The following SUPT3H variants were observed in gnomAD, a reference collection of about 807,000 sequenced individuals.
SUPT3H encodes transcription initiation protein SPT3 homolog.
Under a neutral mutation model 44.3 loss-of-function variants are expected in SUPT3H, and 44 were observed. The ratio of observed to expected loss-of-function variants is 0.99; its 90% CI spans 0.78 to 1.28. SUPT3H has a LOEUF of 1.28. Ranked by LOEUF, SUPT3H falls within the 50% of genes most tolerant of loss-of-function variation. The pLI is 0.00. For synonymous variants in SUPT3H, 124 were observed against 125.6 expected (o/e 0.99, Z 0.09); for missense variants, 380 against 387.1 (o/e 0.98, Z 0.15).
In SUPT3H at chr6:44,928,884, A is replaced by AAAT. The variant is rs1406433106; in HGVS notation, c.912+3768_912+3769insATT. Reference sequence around the variant, plus strand: ...GGCGACAGAACGAGACTCCGTCTCAAAAAAAAAAAAAAAAAAAAAAGAAAA... The same window carrying AAAT: ...GGCGACAGAACGAGACTCCGTCTCAAAATAAAAAAAAAAAAAAAAAAAAGAAAA... On this transcript the variant is annotated intron_variant, in intron 10 of 10. Transcript: ENST00000371459. 1.6e-4 allele frequency among the ~76,000 whole-genome samples: 16 copies of AAAT among 98,598 alleles called. 1 individual carries two copies. The highest frequency in any genetic ancestry group is 3.0e-4 in the African/African-American group (8 of 26,356). 64.7% of individuals were successfully genotyped at this position (98,598 alleles called of 152,430 possible).
intron 6 of SUPT3H, among the ~76,000 whole-genome samples, chr6:44,989,007 T>C (rs1472989513): frequency 6.6e-6 from 1 of 152,118 alleles, no homozygotes; most frequent in African/African-American, 2.4e-5. Context: ...GCCTCAGAGA[T>C]CCCACAATTC....
intron 10 of SUPT3H, among the ~76,000 whole-genome samples, chr6:44,877,492 A>G (rs1777507213): frequency 1.3e-5 from 2 of 149,092 alleles, no homozygotes; most frequent in African/African-American, 4.9e-5. Flanking sequence ...AAAAAATCCC[A>G]GTTTGTAACA....
At chr6:45,348,335 T>G (rs1791306293) in intron 2 of SUPT3H, among the ~76,000 whole-genome samples, 3 of 151,914 alleles carry the variant, frequency 2.0e-5, no homozygotes, top group Middle Eastern at 3.4e-3. Flanking sequence ...AAAAATTCTC[T>G]ACCATTAGTT....
At chr6:45,132,697 T>C (rs1474488579) in intron 2 of SUPT3H, among the ~76,000 whole-genome samples, 1 of 152,174 alleles carries the variant, frequency 6.6e-6, no homozygotes, top group Non-Finnish European at 1.5e-5. Flanking sequence ...AAATAACCCA[T>C]CTGAATTTAT....
chr6:44,911,210 TTC>T (rs1377920240), intron 10 of SUPT3H, among the ~76,000 whole-genome samples: 1 of 151,450 alleles, frequency 6.6e-6, no homozygotes, highest in Non-Finnish European at 1.5e-5. Context: ...TCTTCTGTTG[TTC>T]TCTTTTAGTG....
intron 2 of SUPT3H, among the ~76,000 whole-genome samples, chr6:45,281,551 C>T (rs1778081376): frequency 6.6e-6 from 1 of 152,084 alleles, no homozygotes; most frequent in South Asian, 2.1e-4. Context: ...GGGAGGGGCG[C>T]CCACCATTGC....
At chr6:45,088,237 G>T (rs995500792) in intron 3 of SUPT3H, among the ~76,000 whole-genome samples, 1 of 151,988 alleles carries the variant, frequency 6.6e-6, no homozygotes, top group Admixed American at 6.6e-5. Flanking sequence ...TAAGAATATT[G>T]GCAATAAAAA....
chr6:45,142,804 T>G (rs1805458644), intron 2 of SUPT3H, among the ~76,000 whole-genome samples: 1 of 123,180 alleles, frequency 8.1e-6, no homozygotes, highest in Non-Finnish European at 1.7e-5. Flanking sequence ...TAACCAAGTA[T>G]CTACTGTCTT....
rs180993308 is a variant in SUPT3H at position 45,173,025 on chromosome 6, G to A, written c.102-67019C>T. The stretch of plus-strand genomic sequence containing the variant: ...CTTCCATATGTGATGAAATAAAGAC[G>A]CAAACAAAGCGTATAGATTTCCAAG... On this transcript the variant is annotated intron_variant, in intron 2 of 10. Transcript: ENST00000371459. Among the ~76,000 whole-genome samples the A allele has an allele frequency of 2.0e-5, 3 of 152,164 alleles. No individual in the cohort carries two copies. In the East Asian group the frequency reaches 5.8e-4, roughly 29 times the overall value.
Position 45,205,524 on chromosome 6 carries a change from G to A in SUPT3H, c.102-99518C>T, listed in dbSNP as rs1763089957. Among the ~76,000 whole-genome samples the A allele has an allele frequency of 2.0e-5, 3 of 152,102 alleles. No homozygotes were observed. The South Asian group carries it at 6.2e-4, about 32-fold the overall frequency. ...AAGCTCAAAAAAGCAATGGTTGCGG[G>A]TGGTGGCTCATGCTGTAATCTCAGC... is the stretch of plus-strand genomic sequence containing the variant. On this transcript the variant is annotated intron_variant, in intron 2 of 10. Coordinates refer to ENST00000371459, the MANE Select transcript of SUPT3H (RefSeq NM_003599.4).
chr6:44,851,821 T>C (rs912088041), intron 10 of SUPT3H, among the ~76,000 whole-genome samples: 6 of 152,216 alleles, frequency 3.9e-5, no homozygotes, highest in African/African-American at 1.4e-4. Context: ...TATAAAAAGC[T>C]GCTCATTGAG....
chr6:45,271,933 G>A (rs1428159438), intron 2 of SUPT3H, among the ~76,000 whole-genome samples: 3 of 152,200 alleles, frequency 2.0e-5, no homozygotes, highest in Non-Finnish European at 4.4e-5. Context: ...AATCATTTTG[G>A]AGCATTAAGA....
intron 2 of SUPT3H, among the ~76,000 whole-genome samples, chr6:45,171,963 G>T (rs779062473): frequency 5.3e-5 from 8 of 151,462 alleles, no homozygotes; most frequent in Non-Finnish European, 7.4e-5. Context: ...TGATCAGGCT[G>T]CCTCGGCCTC....
intron 2 of SUPT3H, among the ~76,000 whole-genome samples, chr6:45,166,402 C>T (rs953353745): frequency 2.6e-4 from 40 of 152,064 alleles, no homozygotes; most frequent in African/African-American, 8.7e-4. Context: ...TCCTGGCTAA[C>T]ACAGTGAAAC....
At chr6:45,203,808 T>C (rs1008370185) in intron 2 of SUPT3H, among the ~76,000 whole-genome samples, 6 of 152,152 alleles carry the variant, frequency 3.9e-5, no homozygotes, top group Admixed American at 6.6e-5. Context: ...GCAAGATCAA[T>C]TGTAACTTTT....
intron 9 of SUPT3H, 96 bp from the exon 10 acceptor site, chr6:44,932,859 G>A (rs1448668601): frequency 2.6e-5 from 19 of 717,690 alleles, no homozygotes; most frequent in Middle Eastern, 5.6e-4. Flanking sequence ...AAAAGAGACC[G>A]GTTTTTCCCT....
Position 44,932,740 on chromosome 6 carries a change from C to T in SUPT3H, c.825G>A (p.Glu275=). 1 of 1,608,604 alleles carries T rather than the reference C, an allele frequency of 6.2e-7. No individual in the cohort carries two copies. The highest frequency in any genetic ancestry group is 1.1e-5 in the South Asian group (1 of 90,062). ...AGGGCTGGATGGCATCGCTGTGAGCCTCAACACCACAGGCTGCAGTGCTCT... is the reference window on the plus strand; with the variant it reads ...AGGGCTGGATGGCATCGCTGTGAGCTTCAACACCACAGGCTGCAGTGCTCT... The part of the protein sequence containing the change: ...SAESTAACGV[E]AHSDAIQPCH... The change falls in exon 10 of 11, where the codon GAG becomes GAA. Residue 275 remains glutamate, a synonymous_variant. Transcript: ENST00000371459.
intron 2 of SUPT3H, among the ~76,000 whole-genome samples, chr6:45,230,686 A>ATATATATATATATATATATATATT (rs796866510): frequency 8.6e-6 from 1 of 116,822 alleles, no homozygotes; most frequent in East Asian, 2.3e-4. Flanking sequence ...ATATATATAT[A>ATATATATATATATATATATATATT]TTTTTGAGAT....
At chr6:45,277,813 C>A (rs1285021025) in intron 2 of SUPT3H, among the ~76,000 whole-genome samples, 1 of 152,142 alleles carries the variant, frequency 6.6e-6, no homozygotes, top group African/African-American at 2.4e-5. Flanking sequence ...AAGCCACTAA[C>A]AGTAGCTTAC....
Sources: gnomAD v4.1 joint callset for allele counts (sites outside exome capture counted in the v4.1 genomes callset) on GRCh38, gnomAD v4.1.1 for gene constraint, MANE v1.5 for transcripts, NCBI Gene and HGNC (gene_info 2026-07-23, HGNC 2026-07-21) for gene names.